ELP4: variants seen among roughly 807,000 people sequenced by gnomAD.
ELP4 encodes the protein elongator complex protein 4.
Under a neutral mutation model 48.9 loss-of-function variants are expected in ELP4, and 51 were observed. The observed-to-expected ratio is 1.04, with a 90% CI of 0.83 to 1.32. ELP4 has a LOEUF of 1.32. ELP4 is among the 40% of genes most tolerant of loss of function. The pLI, the probability that ELP4 is intolerant of heterozygous loss-of-function variation, is 0.00. For missense variants in ELP4, 519 were observed against 514.6 expected, an observed-to-expected ratio of 1.01 and a Z score of -0.08; for synonymous variants, 210 against 189.2, an observed-to-expected ratio of 1.11 and a Z score of -0.90.
At chr11:31,594,128 T>A (rs1400781541) in intron 3 of ELP4, among the ~76,000 whole-genome samples, 4 of 152,188 alleles carry the variant, frequency 2.6e-5, no homozygotes, top group African/African-American at 9.6e-5. Context: ...TAGTACCGCT[T>A]AACAAACATG....
At chr11:31,714,318 A>AT (rs1946798926) in intron 9 of ELP4, among the ~76,000 whole-genome samples, 1 of 152,212 alleles carries the variant, frequency 6.6e-6, no homozygotes. Flanking sequence ...ACAGAAGGAC[A>AT]TTCTAGTGAC....
At chr11:31,598,869 T>C (rs555732165) in intron 4 of ELP4, 3 of 152,272 alleles carry the variant, frequency 2.0e-5, no homozygotes, top group South Asian at 4.1e-4. Flanking sequence ...TCTCTTCTTA[T>C]GATGAACTTG....
intron 9 of ELP4, among the ~76,000 whole-genome samples, chr11:31,688,988 G>A (rs990977755): frequency 3.3e-5 from 5 of 152,166 alleles, no homozygotes; most frequent in Admixed American, 3.3e-4. Flanking sequence ...TTGTCATTGA[G>A]TGGAATGCTG....
chr11:31,632,234 TTTAAGAATAG>T lies in ELP4; in HGVS notation c.757_766del (p.Leu253GlufsTer37). 1 of 1,598,808 alleles carries T rather than the reference TTTAAGAATAG, an allele frequency of 6.3e-7. No homozygotes were observed. On this transcript the variant is annotated frameshift_variant, in exon 7 of 10. Transcript: ENST00000640961. LOFTEE classifies it high-confidence loss of function. ...TCTTTTAGAAAAAACAGAGAAACATTTTAAGAATAGGAATTCAGAATCTTGGCTCACCTTT... is the reference window on the plus strand; with the variant it reads ...TCTTTTAGAAAAAACAGAGAAACATTGAATTCAGAATCTTGGCTCACCTTT...
At chr11:31,753,741 A>T (rs1333754926) in intron 9 of ELP4, among the ~76,000 whole-genome samples, 4 of 152,248 alleles carry the variant, frequency 2.6e-5, no homozygotes, top group Non-Finnish European at 5.9e-5. Flanking sequence ...TTACAAAATG[A>T]TACATGCATT....
chr11:31,649,129 C>T (rs1034436336), intron 8 of ELP4: 1 of 151,474 alleles, frequency 6.6e-6, no homozygotes, highest in Non-Finnish European at 1.5e-5. Context: ...TTTGAAGAGG[C>T]CATTTCTAAA....
At chr11:31,713,886 A>G (rs1041536715) in intron 9 of ELP4, among the ~76,000 whole-genome samples, 3 of 152,236 alleles carry the variant, frequency 2.0e-5, no homozygotes, top group South Asian at 2.1e-4. Flanking sequence ...AACCTGCAAT[A>G]TAATGATTGG....
chr11:31,725,902 G>A (rs1416651002), intron 9 of ELP4, among the ~76,000 whole-genome samples: 2 of 152,160 alleles, frequency 1.3e-5, no homozygotes, highest in Non-Finnish European at 2.9e-5. Context: ...CTGATAGAAG[G>A]AGTAATTTTT....
chr11:31,733,967 A>G (rs2134206063), intron 9 of ELP4, among the ~76,000 whole-genome samples: 1 of 152,346 alleles, frequency 6.6e-6, no homozygotes, highest in African/African-American at 2.4e-5. Context: ...AAAATCTTCA[A>G]CAAAAAACCT....
chr11:31,621,755 T>C (rs1344640156), intron 5 of ELP4, among the ~76,000 whole-genome samples: 1 of 151,880 alleles, frequency 6.6e-6, no homozygotes, highest in African/African-American at 2.4e-5. Flanking sequence ...CCTAAAACTA[T>C]GCACCTGAAT....
chr11:31,761,853 A>T (rs1947952945), intron 9 of ELP4: 1 of 152,230 alleles, frequency 6.6e-6, no homozygotes, highest in African/African-American at 2.4e-5. Flanking sequence ...ACTGGCTGAT[A>T]CACAGAGCTC....
chr11:31,788,087 T>C lies in ELP4; in HGVS notation c.*4563T>C. 1 of 223,386 alleles carries C rather than the reference T, an allele frequency of 4.5e-6. No homozygotes were observed. The highest frequency in any genetic ancestry group is 9.0e-6 in the Non-Finnish European group (1 of 111,730). 13.8% of individuals were successfully genotyped at this position (223,386 alleles called of 1,614,324 possible). A position where few individuals can be genotyped will look rare whatever the true frequency, so the allele number is the denominator to read the frequency against. ...AAATGAAAGTCTCAGACAGTCCTTT[T>C]TTACCCAACAAAGGCTTATTTTTTT... is the stretch of plus-strand genomic sequence containing the variant. On this transcript the variant is annotated 3_prime_UTR_variant, in exon 10 of 10. Transcript: ENST00000640961.
In ELP4 at chr11:31,787,847, G is replaced by T. The variant is rs923696320; in HGVS notation, c.*4323G>T. The T allele has an allele frequency of 9.9e-5, 22 of 223,142 alleles. No homozygotes were observed. Among genetic ancestry groups the T allele is most frequent in the Admixed American group, 1.7e-4 (3 of 17,456 alleles). 13.8% of individuals were successfully genotyped at this position (223,142 alleles called of 1,614,324 possible). ...AAAACAGTAGATATTGAACGAGAAG[G>T]TCATGTTTAAATCCTTCCATTAATT... On this transcript the variant is annotated 3_prime_UTR_variant, in exon 10 of 10. Coordinates refer to ENST00000640961, the MANE Select transcript of ELP4 (RefSeq NM_019040.5).
chr11:31,524,328 A>G (rs1956262959), intron 2 of ELP4, among the ~76,000 whole-genome samples: 1 of 152,258 alleles, frequency 6.6e-6, no homozygotes, highest in Non-Finnish European at 1.5e-5. Flanking sequence ...TCTGCTTTCA[A>G]GCTCGTGGTT....
chr11:31,519,301 C>A (rs565003453), intron 1 of ELP4, among the ~76,000 whole-genome samples: 1 of 152,156 alleles, frequency 6.6e-6, no homozygotes, highest in African/African-American at 2.4e-5. Context: ...GATCTTTACT[C>A]AGTCTTACTA....
At chr11:31,756,742 A>G (rs935098053) in intron 9 of ELP4, among the ~76,000 whole-genome samples, 2 of 152,232 alleles carry the variant, frequency 1.3e-5, no homozygotes, top group Non-Finnish European at 1.5e-5. Flanking sequence ...TTAAGCAAAA[A>G]AAGTTTTCCC....
intron 9 of ELP4, among the ~76,000 whole-genome samples, chr11:31,665,320 G>C (rs1016175802): frequency 3.9e-5 from 6 of 152,032 alleles, no homozygotes; most frequent in African/African-American, 1.4e-4. Flanking sequence ...CTTAAACTAT[G>C]CCTGTAGCAA....
chr11:31,762,461 A>T (rs1160910006), intron 9 of ELP4, among the ~76,000 whole-genome samples: 1 of 152,254 alleles, frequency 6.6e-6, no homozygotes, highest in East Asian at 1.9e-4. Context: ...TTAAATTTTT[A>T]AAAAATAACC....
intron 5 of ELP4, among the ~76,000 whole-genome samples, chr11:31,613,235 A>G (rs1470314534): frequency 6.6e-6 from 1 of 152,176 alleles, no homozygotes; most frequent in Non-Finnish European, 1.5e-5. Flanking sequence ...AAATAGCAGA[A>G]TCCTATTTAC....
Sources: gnomAD v4.1 joint callset for allele counts (sites outside exome capture counted in the v4.1 genomes callset) on GRCh38, gnomAD v4.1.1 for gene constraint, MANE v1.5 for transcripts, NCBI Gene and HGNC (gene_info 2026-07-23, HGNC 2026-07-21) for gene names.